Variants in LRRC71 observed in about 807,000 individuals in gnomAD.
LRRC71 encodes the protein leucine-rich repeat-containing protein 71.
LRRC71 carries 54 observed loss-of-function variants against 66.6 expected under a neutral mutation model. The observed-to-expected ratio is 0.81, with a 90% CI of 0.65 to 1.02. LRRC71 has a LOEUF of 1.02. Among genes scored for constraint, LRRC71 ranks in the 50% least tolerant of loss-of-function variants. The pLI, the probability that LRRC71 is intolerant of heterozygous loss-of-function variation, is 0.00. For missense variants in LRRC71, 724 were observed against 718.0 expected, an observed-to-expected ratio of 1.01 and a Z score of -0.10; for synonymous variants, 323 against 303.9, an observed-to-expected ratio of 1.06 and a Z score of -0.65.
chr1:156,928,768 G>A (rs1653819757), intron 9 of LRRC71, among the ~76,000 whole-genome samples: 1 of 151,408 alleles, frequency 6.6e-6, no homozygotes, highest in South Asian at 2.1e-4. Context: ...ATGGGGTTTC[G>A]CTATGTTGAC....
chr1:156,928,398 C>A (rs1273327147), intron 9 of LRRC71, among the ~76,000 whole-genome samples: 2 of 139,698 alleles, frequency 1.4e-5, no homozygotes, highest in African/African-American at 5.9e-5. Flanking sequence ...TCTTCTTCTT[C>A]TTCTTCTTCC....
At position 156,924,000 on chromosome 1, in the gene LRRC71, C is replaced by A. The variant is rs1450387169; in HGVS notation, c.212C>A (p.Thr71Lys). Residue 71 changes from threonine to lysine, a missense_variant, in exon 2 of 15, where the codon ACG (threonine) becomes AAG (lysine). Physicochemically the swap from Thr to Lys is moderately conservative, Grantham distance 78 (BLOSUM62 -1). Transcript: ENST00000337428. ...VLETDFAELC[T>K]RWGYTDFPKV... ...GAGACCGACTTCGCCGAGCTCTGCA[C>A]GCGGTGGGGCTACACGGACTTCCCC... 1.9e-6 allele frequency: 3 copies of A among 1,545,996 alleles called. No homozygotes were observed. In the African/African-American group the frequency reaches 4.1e-5, roughly 21 times the overall value.
the LRRC71 span, chr1:156,940,166 C>A: frequency 8.5e-6 from 13 of 1,533,882 alleles, no homozygotes; most frequent in Non-Finnish European, 1.1e-5. Context: ...GGGTGTGCGA[C>A]TGGGGACCAG....
intron 1 of LRRC71, 47 bp from the exon 2 acceptor site, chr1:156,923,902 G>A: frequency 5.6e-6 from 8 of 1,418,978 alleles, no homozygotes; most frequent in Non-Finnish European, 7.4e-6. Context: ...TTGGGGATGC[G>A]GGGGTGGGCG....
At chr1:156,936,480 G>GAAAAAAAAAAAA (rs35863393), downstream of LRRC71, among the ~76,000 whole-genome samples, 1 of 48,018 alleles carries the variant, frequency 2.1e-5, no homozygotes, top group African/African-American at 1.2e-4. Flanking sequence ...CAAATAAATA[G>GAAAAAAAAAAAA]AAAAAAAAAA....
intron 5 of LRRC71, among the ~76,000 whole-genome samples, chr1:156,925,819 G>T (rs1251013622): frequency 6.6e-6 from 1 of 152,234 alleles, no homozygotes; most frequent in East Asian, 1.9e-4. Context: ...TGAGGGCAGG[G>T]ACTGTGTCTT....
At position 156,924,495 on chromosome 1, in the gene LRRC71, A is replaced by C. The variant is rs1358393161; in HGVS notation, c.382A>C (p.Ile128Leu). Residue 128 changes from isoleucine to leucine, a missense_variant, in exon 3 of 15, where the codon ATC becomes CTC. By Grantham distance (5) the Ile-to-Leu change is conservative. Coordinates refer to ENST00000337428, the MANE Select transcript of LRRC71 (RefSeq NM_144702.3). ...CAAATACGTGTTCTTCCGGCCCACCATCCAGGTGGAGCTGGAGCAGGAGGA... is the reference window on the plus strand; with the variant it reads ...CAAATACGTGTTCTTCCGGCCCACCCTCCAGGTGGAGCTGGAGCAGGAGGA... ...ESKYVFFRPT[I>L]QVELEQEDSK... 3 of 1,551,344 alleles carry C rather than the reference A, an allele frequency of 1.9e-6. No homozygotes were observed. In the South Asian group the frequency reaches 3.6e-5, roughly 18 times the overall value.
Position 156,932,010 on chromosome 1 carries a change from T to C in LRRC71, c.1424T>C (p.Leu475Ser). The C allele has an allele frequency of 3.1e-6, 5 of 1,596,094 alleles. No homozygotes were observed. Among genetic ancestry groups the C allele is most frequent in the Middle Eastern group, 1.7e-4 (1 of 6,006 alleles). ...KVFMPGNKVL[L>S]HLNLIRNRIT... ...TTCATGCCTGGGAACAAGGTCCTTT[T>C]GCACCTCAACCTCATCCGTATGTCT... The change falls in exon 13 of 15, where the codon TTG becomes TCG. Residue 475 changes from leucine (L) to serine (S), a missense_variant. Physicochemically the swap from Leu to Ser is moderately radical, Grantham distance 145. Transcript: ENST00000337428.
Position 156,924,502 on chromosome 1 carries a change from T to G in LRRC71, c.389T>G (p.Val130Gly). The G allele has an allele frequency of 6.4e-7, 1 of 1,551,310 alleles. No homozygotes were observed. Among genetic ancestry groups the G allele is most frequent in the Non-Finnish European group, 8.7e-7 (1 of 1,146,976 alleles). ...KYVFFRPTIQVELEQEDSKSV... is the reference protein window; with the variant it reads ...KYVFFRPTIQGELEQEDSKSV... ...GTGTTCTTCCGGCCCACCATCCAGG[T>G]GGAGCTGGAGCAGGAGGACAGCAAG... The change falls in exon 3 of 15, where the codon GTG becomes GGG. Residue 130 changes from valine to glycine, a missense_variant. Coordinates refer to ENST00000337428, the MANE Select transcript of LRRC71 (RefSeq NM_144702.3).
intron 5 of LRRC71, among the ~76,000 whole-genome samples, chr1:156,925,547 G>A (rs905370195): frequency 3.3e-5 from 5 of 152,194 alleles, no homozygotes; most frequent in African/African-American, 9.7e-5. Context: ...TGGAGGAGGT[G>A]GTACTGAGCT....
At chr1:156,925,078 G>A in intron 5 of LRRC71, 63 bp downstream of exon 5, 3 of 1,479,958 alleles carry the variant, frequency 2.0e-6, no homozygotes, top group Non-Finnish European at 2.8e-6. Flanking sequence ...TCAGAGGGGA[G>A]CAGTGTGGGG....
chr1:156,934,624 T>C (rs967765536), downstream of LRRC71, among the ~76,000 whole-genome samples: 1 of 152,026 alleles, frequency 6.6e-6, no homozygotes. Flanking sequence ...TTCAGTGTCT[T>C]GTCATGTTTT....
intron 9 of LRRC71, among the ~76,000 whole-genome samples, chr1:156,928,364 T>TC (rs1451806098): frequency 3.1e-5 from 1 of 32,548 alleles, no homozygotes; most frequent in Non-Finnish European, 7.5e-5. Context: ...TTCTTCTTCC[T>TC]CTTCTTCTTC....
In LRRC71 at chr1:156,932,041, C is replaced by A. The variant is rs1169031261; in HGVS notation, c.1441+14C>A. ...TCAACCTCATCCGTATGTCTGCCAACCTCCCCTGTCCTCCTGTCATGAGGC... is the reference window on the plus strand; with the variant it reads ...TCAACCTCATCCGTATGTCTGCCAAACTCCCCTGTCCTCCTGTCATGAGGC... On this transcript the variant is annotated intron_variant, in intron 13 of 14. Transcript: ENST00000337428. 3 of 1,558,830 alleles carry A rather than the reference C, an allele frequency of 1.9e-6. No individual in the cohort carries two copies. The highest frequency in any genetic ancestry group is 2.6e-6 in the Non-Finnish European group (3 of 1,146,636).
Position 156,927,547 on chromosome 1 carries a change from A to C in LRRC71, c.714A>C (p.Gln238His), listed in dbSNP as rs1571048558. 6.4e-7 allele frequency: 1 copy of C among 1,563,506 alleles called. No homozygotes were observed. The highest frequency in any genetic ancestry group is 8.7e-7 in the Non-Finnish European group (1 of 1,155,644). ...ATAACATCGACGACCGCGGGGCGCA[A>C]CTCCTGGGCCAGGCGCTGTCCACGC... is the stretch of plus-strand genomic sequence containing the variant. ...RNNNIDDRGA[Q>H]LLGQALSTLH... The change falls in exon 7 of 15, where the codon CAA (glutamine) becomes CAC (histidine). Residue 238 changes from glutamine (Q) to histidine (H), a missense_variant. By Grantham distance (24) the Gln-to-His change is conservative (BLOSUM62 0). Transcript: ENST00000337428.
intron 5 of LRRC71, among the ~76,000 whole-genome samples, chr1:156,926,118 C>T (rs1653154736): frequency 6.6e-6 from 1 of 152,248 alleles, no homozygotes; most frequent in Non-Finnish European, 1.5e-5. Flanking sequence ...GACCTCCATT[C>T]TTACAGCACT....
At chr1:156,923,553 C>T (rs1409383629) in intron 1 of LRRC71, among the ~76,000 whole-genome samples, 1 of 151,386 alleles carries the variant, frequency 6.6e-6, no homozygotes, top group Non-Finnish European at 1.5e-5. Context: ...TCACATCGGG[C>T]CTGCGCTTTC....
chr1:156,924,493 C>T lies in LRRC71; in HGVS notation c.380C>T (p.Thr127Ile). The T allele has an allele frequency of 6.4e-7, 1 of 1,551,448 alleles. No individual in the cohort carries two copies. ...AGCAAATACGTGTTCTTCCGGCCCA[C>T]CATCCAGGTGGAGCTGGAGCAGGAG... The part of the protein sequence containing the change: ...LESKYVFFRP[T>I]IQVELEQEDS... The change falls in exon 3 of 15, where the codon ACC becomes ATC. Residue 127 changes from threonine (T) to isoleucine (I), a missense_variant. By Grantham distance (89) the Thr-to-Ile change is moderately conservative. Transcript: ENST00000337428.
intron 9 of LRRC71, among the ~76,000 whole-genome samples, 196 bp downstream of exon 9, chr1:156,928,200 A>G (rs959029046): frequency 6.6e-6 from 1 of 152,096 alleles, no homozygotes; most frequent in Non-Finnish European, 1.5e-5. Flanking sequence ...GAACCACACT[A>G]TGGGCAGTAG....
Sources: allele counts gnomAD v4.1 joint callset (sites outside exome capture counted in the v4.1 genomes callset), GRCh38; gene constraint gnomAD v4.1.1; transcripts MANE v1.5; gene names NCBI Gene and HGNC (gene_info 2026-07-23, HGNC 2026-07-21).